The following OR1B1 variants were observed in gnomAD, a reference collection of about 807,000 sequenced individuals.
The protein encoded by OR1B1 is olfactory receptor family 1 subfamily B member 1.
For missense variants in OR1B1, 414 were observed against 402.1 expected (o/e 1.03, Z -0.25); for synonymous variants, 168 against 156.2 (o/e 1.08, Z -0.57).
the OR1B1 span, among the ~76,000 whole-genome samples, chr9:122,642,758 T>C: frequency 5.3e-5 from 8 of 152,190 alleles, no homozygotes; most frequent in African/African-American, 1.9e-4. Flanking sequence ...CTTCCTATGA[T>C]ATAATAAGTA....
At chr9:122,633,590 TATACTC>T (rs1035546268), upstream of OR1B1, among the ~76,000 whole-genome samples, 7 of 152,118 alleles carry the variant, frequency 4.6e-5, no homozygotes, top group Admixed American at 2.6e-4. Flanking sequence ...CTTAAAAACT[TATACTC>T]AATAGCAAAA....
At chr9:122,636,210 C>T in the OR1B1 span, among the ~76,000 whole-genome samples, 1,084 of 152,314 alleles carry the variant, frequency 7.1e-3, 13 homozygotes, top group African/African-American at 0.025. Context: ...CAAGTAACTT[C>T]GTAAATACTG....
chr9:122,648,483 C>T, the OR1B1 span, among the ~76,000 whole-genome samples: 6 of 152,116 alleles, frequency 3.9e-5, no homozygotes, highest in African/African-American at 1.4e-4. Context: ...GAAACATTCC[C>T]TTTGAAAACC....
the OR1B1 span, among the ~76,000 whole-genome samples, chr9:122,651,909 C>T: frequency 6.6e-6 from 1 of 152,132 alleles, no homozygotes; most frequent in Non-Finnish European, 1.5e-5. Flanking sequence ...GCCTCAGCCT[C>T]CTGAATAGCT....
At chr9:122,639,971 T>C in the OR1B1 span, among the ~76,000 whole-genome samples, 3 of 152,152 alleles carry the variant, frequency 2.0e-5, no homozygotes, top group Non-Finnish European at 2.9e-5. Context: ...TCCACATGCA[T>C]GATTTCACGA....
At chr9:122,635,768 C>T in the OR1B1 span, among the ~76,000 whole-genome samples, 1 of 152,118 alleles carries the variant, frequency 6.6e-6, no homozygotes, top group African/African-American at 2.4e-5. Context: ...ATTGAAGAAT[C>T]ACAGTAACTC....
the OR1B1 span, among the ~76,000 whole-genome samples, chr9:122,652,960 A>G: frequency 6.6e-6 from 1 of 152,192 alleles, no homozygotes; most frequent in South Asian, 2.1e-4. Context: ...ACTAGGCTGT[A>G]ATTTCCACAA....
chr9:122,644,908 T>C, the OR1B1 span, among the ~76,000 whole-genome samples: 1 of 152,166 alleles, frequency 6.6e-6, no homozygotes, highest in Non-Finnish European at 1.5e-5. Context: ...AGCATCAACG[T>C]CATCCAAGAA....
the OR1B1 span, among the ~76,000 whole-genome samples, chr9:122,639,181 T>C: frequency 6.6e-6 from 1 of 152,142 alleles, no homozygotes; most frequent in Non-Finnish European, 1.5e-5. Flanking sequence ...GAATCTTGAG[T>C]TAATCATCTT....
the OR1B1 span, among the ~76,000 whole-genome samples, chr9:122,642,778 G>A: frequency 2.6e-5 from 4 of 152,144 alleles, no homozygotes; most frequent in Admixed American, 6.5e-5. Context: ...AAATCATGAT[G>A]TAATCACCTA....
chr9:122,644,438 C>T, the OR1B1 span, among the ~76,000 whole-genome samples: 98 of 152,190 alleles, frequency 6.4e-4, 1 homozygote, highest in Non-Finnish European at 1.3e-3. Context: ...AGCTTAGCCA[C>T]GGTAGAATAG....
chr9:122,641,491 G>C, the OR1B1 span, among the ~76,000 whole-genome samples: 1 of 152,144 alleles, frequency 6.6e-6, no homozygotes, highest in African/African-American at 2.4e-5. Flanking sequence ...CAGTCAAAGT[G>C]GTGGGGAAAG....
At chr9:122,629,442 GGAA>G (rs751798751) in exon 1 of OR1B1, 41 of 1,613,842 alleles carry the variant, frequency 2.5e-5, no homozygotes, top group Non-Finnish European at 3.3e-5. Flanking sequence ...GCCAGGAACA[GGAA>G]GAAGAGGAGA....
chr9:122,640,781 C>A, the OR1B1 span, among the ~76,000 whole-genome samples: 1 of 152,098 alleles, frequency 6.6e-6, no homozygotes, highest in South Asian at 2.1e-4. Flanking sequence ...TTCCCAGAAA[C>A]TAATTTTGGC....
At chr9:122,649,473 G>A in the OR1B1 span, among the ~76,000 whole-genome samples, 2 of 152,146 alleles carry the variant, frequency 1.3e-5, no homozygotes, top group African/African-American at 4.8e-5. Flanking sequence ...GCAACCTACA[G>A]AATGGGAGAA....
chr9:122,652,042 C>T, the OR1B1 span, among the ~76,000 whole-genome samples: 854 of 152,208 alleles, frequency 5.6e-3, 11 homozygotes, highest in African/African-American at 0.02. Context: ...CTCAAGTGGT[C>T]GCCTTGGCCT....
At chr9:122,628,160 T>C (rs1199648852), downstream of OR1B1, among the ~76,000 whole-genome samples, 3 of 152,070 alleles carry the variant, frequency 2.0e-5, no homozygotes, top group Non-Finnish European at 4.4e-5. Context: ...CATCTTCCCT[T>C]ACTTTCTGAT....
the OR1B1 span, among the ~76,000 whole-genome samples, chr9:122,654,120 T>C: frequency 6.6e-6 from 1 of 152,120 alleles, no homozygotes; most frequent in Non-Finnish European, 1.5e-5. Context: ...GAGGATGCAA[T>C]GATGAAAAAA....
chr9:122,639,918 A>G, the OR1B1 span, among the ~76,000 whole-genome samples: 3 of 152,164 alleles, frequency 2.0e-5, no homozygotes, highest in Non-Finnish European at 1.5e-5. Flanking sequence ...AGAAGCTAAC[A>G]TTTTTTGAGC....
Sources: allele counts gnomAD v4.1 joint callset (sites outside exome capture counted in the v4.1 genomes callset), GRCh38; gene constraint gnomAD v4.1.1; transcripts MANE v1.5; gene names NCBI Gene and HGNC (gene_info 2026-07-23, HGNC 2026-07-21).